Variants in TPRG1 observed in about 807,000 individuals in gnomAD.
TPRG1 encodes tumor protein p63 regulated 1, also known as tumor protein p63-regulated gene 1 protein.
In TPRG1, 29 loss-of-function variants were observed where a neutral mutation model predicts 29.3. That is an observed-to-expected ratio of 0.99 (90% CI 0.74 to 1.35). The LOEUF (loss-of-function observed/expected upper bound fraction) is 1.35. Among genes scored for constraint, TPRG1 ranks in the 40% most tolerant of loss-of-function variants. TPRG1 has a pLI of 0.00. For missense variants in TPRG1, 327 were observed against 335.0 expected, an observed-to-expected ratio of 0.98 and a Z score of 0.19; for synonymous variants, 130 against 116.8, an observed-to-expected ratio of 1.11 and a Z score of -0.73.
At chr3:189,052,121 T>C (rs1481294454) in intron 4 of TPRG1, among the ~76,000 whole-genome samples, 2 of 152,214 alleles carry the variant, frequency 1.3e-5, no homozygotes, top group African/African-American at 2.4e-5. Flanking sequence ...AAAGAGCTTT[T>C]GCACGGCAAA....
chr3:189,139,045 A>C (rs1284896285), intron 3 of TPRG1, among the ~76,000 whole-genome samples: 2 of 152,240 alleles, frequency 1.3e-5, no homozygotes, highest in African/African-American at 2.4e-5. Flanking sequence ...TGGGAGCAAA[A>C]GAAACCCAGC....
intron 4 of TPRG1, among the ~76,000 whole-genome samples, chr3:189,276,737 T>C (rs1403606723): frequency 6.6e-6 from 1 of 152,164 alleles, no homozygotes; most frequent in Non-Finnish European, 1.5e-5. Context: ...CTGTTCTAAA[T>C]AATACCTTGG....
chr3:189,231,346 T>A (rs1056934930), intron 3 of TPRG1, among the ~76,000 whole-genome samples: 16 of 151,506 alleles, frequency 1.1e-4, no homozygotes, highest in African/African-American at 3.9e-4. Context: ...GAAATTAAAA[T>A]GAAAATATTT....
At chr3:189,105,549 T>A (rs910666659) in intron 1 of TPRG1, among the ~76,000 whole-genome samples, 23 of 145,838 alleles carry the variant, frequency 1.6e-4, no homozygotes, top group African/African-American at 5.6e-4. Context: ...TGAGTTTGAG[T>A]AGGTATGTGG....
chr3:189,007,231 G>A (rs1398480388), intron 3 of TPRG1, among the ~76,000 whole-genome samples: 2 of 151,824 alleles, frequency 1.3e-5, no homozygotes, highest in South Asian at 2.1e-4. Context: ...CAAAAAGTGG[G>A]CGAAGGACAT....
At chr3:189,260,693 A>G (rs1328416623) in intron 4 of TPRG1, among the ~76,000 whole-genome samples, 4 of 152,210 alleles carry the variant, frequency 2.6e-5, no homozygotes, top group African/African-American at 9.6e-5. Flanking sequence ...TAGAAGGGAT[A>G]GGCCATGCTG....
chr3:189,159,040 G>A (rs1727092664), intron 5 of TPRG1, among the ~76,000 whole-genome samples: 1 of 152,008 alleles, frequency 6.6e-6, no homozygotes, highest in East Asian at 1.9e-4. Flanking sequence ...CTGTCTCCGG[G>A]ATTTTCTTTG....
intron 5 of TPRG1, among the ~76,000 whole-genome samples, chr3:189,314,111 A>G (rs536863985): frequency 6.6e-6 from 1 of 152,208 alleles, no homozygotes; most frequent in Non-Finnish European, 1.5e-5. Context: ...AGGTTTCAGG[A>G]TTGGGTAGAT....
At chr3:189,087,988 G>A (rs913355669) in intron 4 of TPRG1, among the ~76,000 whole-genome samples, 6 of 151,462 alleles carry the variant, frequency 4.0e-5, no homozygotes, top group East Asian at 1.9e-4. Flanking sequence ...TTGGCAATGC[G>A]GGATTTTTTT....
At chr3:189,043,691 A>C (rs1395295755) in intron 4 of TPRG1, among the ~76,000 whole-genome samples, 1 of 152,080 alleles carries the variant, frequency 6.6e-6, no homozygotes, top group African/African-American at 2.4e-5. Flanking sequence ...ATGGCACTGG[A>C]ATTCTATGAC....
chr3:189,004,964 G>A (rs1277164759), intron 3 of TPRG1, among the ~76,000 whole-genome samples: 1 of 152,062 alleles, frequency 6.6e-6, no homozygotes, highest in African/African-American at 2.4e-5. Context: ...AACATGGATG[G>A]AACTGGAAAT....
chr3:189,035,084 C>CA (rs1271881136), intron 4 of TPRG1, among the ~76,000 whole-genome samples: 2 of 152,068 alleles, frequency 1.3e-5, no homozygotes, highest in African/African-American at 4.8e-5. Flanking sequence ...AGTATAAAAA[C>CA]AGACACATAG....
Position 189,010,570 on chromosome 3 carries a change from T to A in TPRG1, c.-660+5810T>A, listed in dbSNP as rs2152122637. 1.3e-5 allele frequency among the ~76,000 whole-genome samples: 2 copies of A among 152,348 alleles called. 1 individual carries two copies. The highest frequency in any genetic ancestry group is 4.1e-4 in the South Asian group (2 of 4,830). Reference sequence around the variant, plus strand: ...ATTTTTTTCATGTTTGTTGGCTGCATGTATGTCTTCTTTTGAAAAGTGTCT... The same window carrying A: ...ATTTTTTTCATGTTTGTTGGCTGCAAGTATGTCTTCTTTTGAAAAGTGTCT... On this transcript the variant is annotated intron_variant, in intron 3 of 10. Coordinates refer to the TPRG1 transcript ENST00000433971.
intron 3 of TPRG1, among the ~76,000 whole-genome samples, chr3:189,229,076 T>A (rs1738236272): frequency 6.6e-6 from 1 of 152,212 alleles, no homozygotes; most frequent in Admixed American, 6.5e-5. Flanking sequence ...TGTATAGGAC[T>A]TGTATACTGA....
At chr3:189,124,081 T>A (rs1011720751) in intron 1 of TPRG1, among the ~76,000 whole-genome samples, 2 of 152,192 alleles carry the variant, frequency 1.3e-5, no homozygotes, top group Non-Finnish European at 2.9e-5. Flanking sequence ...TTAAGAATAT[T>A]ACCTTCTTAA....
chr3:189,033,862 C>T lies in TPRG1; in HGVS notation c.-463+9916C>T, dbSNP rs147375310. On this transcript the variant is annotated intron_variant, in intron 4 of 10. Transcript: ENST00000433971. Reference sequence around the variant, plus strand: ...AAGTGCTGGGATTACAGGCGTGAGCCACCGTGCCCAGCCTACTCCTCTTAA... The same window carrying T: ...AAGTGCTGGGATTACAGGCGTGAGCTACCGTGCCCAGCCTACTCCTCTTAA... Among the ~76,000 whole-genome samples the T allele has an allele frequency of 4.1e-3, 630 of 152,206 alleles. 6 individuals are homozygous for T. The highest frequency in any genetic ancestry group is 0.013 in the African/African-American group (558 of 41,522).
intron 3 of TPRG1, among the ~76,000 whole-genome samples, chr3:189,133,137 T>C (rs1723294310): frequency 6.6e-6 from 1 of 152,158 alleles, no homozygotes; most frequent in South Asian, 2.1e-4. Context: ...ATGAGTCTAA[T>C]TTAGGTTGAA....
chr3:189,057,847 TATATATATACACACATAC>T (rs1483167209), intron 4 of TPRG1, among the ~76,000 whole-genome samples: 1,602 of 114,974 alleles, frequency 0.014, 42 homozygotes, highest in East Asian at 0.096. Flanking sequence ...TGTATGTGTG[TATATATATACACACATAC>T]GTATGTGTGT....
chr3:189,126,324 A>C (rs1010499369), intron 1 of TPRG1, among the ~76,000 whole-genome samples: 6 of 152,208 alleles, frequency 3.9e-5, no homozygotes, highest in African/African-American at 1.4e-4. Context: ...TTTCAGACAG[A>C]ACTTGAAGGT....
Sources: allele counts gnomAD v4.1 joint callset (sites outside exome capture counted in the v4.1 genomes callset), GRCh38; gene constraint gnomAD v4.1.1; transcripts MANE v1.5; gene names NCBI Gene and HGNC (gene_info 2026-07-23, HGNC 2026-07-21).